SPG7: variants seen among roughly 807,000 people sequenced by gnomAD.
SPG7 encodes the protein SPG7 matrix AAA peptidase subunit, paraplegin.
Under a neutral mutation model 81.9 loss-of-function variants are expected in SPG7, and 103 were observed. That is an observed-to-expected ratio of 1.26 (90% CI 1.07 to 1.48). The LOEUF (loss-of-function observed/expected upper bound fraction) is 1.48. SPG7 is among the 40% of genes most tolerant of loss of function. SPG7 has a pLI of 0.00. For synonymous variants in SPG7, 534 were observed against 444.2 expected (o/e 1.20, Z -2.54); for missense variants, 1,241 against 1,087.3 (o/e 1.14, Z -1.99).
intron 9 of SPG7, chr16:89,539,143 C>T (rs893652327): frequency 2.0e-5 from 3 of 152,258 alleles, no homozygotes; most frequent in African/African-American, 7.2e-5. Context: ...CTATGTGTCC[C>T]TTGTCCTTTC....
Position 89,548,045 on chromosome 16 carries a change from C to T in SPG7, c.1595C>T (p.Ala532Val), listed in dbSNP as rs1229935577. ...ATCTGCAATGAGGCTGCGCTGCACGCGGCGCGGGAGGGACACACTTCCGTG... is the reference window on the plus strand; with the variant it reads ...ATCTGCAATGAGGCTGCGCTGCACGTGGCGCGGGAGGGACACACTTCCGTG... ...ANICNEAALH[A>V]AREGHTSVHT... Residue 532 changes from alanine to valine, a missense_variant, in exon 12 of 17, where the codon GCG becomes GTG. Coordinates refer to ENST00000645818, the MANE Select transcript of SPG7 (RefSeq NM_003119.4). 8 of 1,611,940 alleles carry T rather than the reference C, an allele frequency of 5.0e-6. No homozygotes were observed. Among genetic ancestry groups the T allele is most frequent in the South Asian group, 1.1e-5 (1 of 91,092 alleles).
chr16:89,515,514 A>AT, intron 3 of SPG7, among the ~76,000 whole-genome samples: 1 of 143,102 alleles, frequency 7.0e-6, no homozygotes, highest in East Asian at 2.2e-4. Context: ...TGATCTCCCC[A>AT]CTTCGGCCTC....
At position 89,550,465 on chromosome 16, in the gene SPG7, G is replaced by A. The variant is rs760793550; in HGVS notation, c.1664-29G>A. ...TGGGATTACAGGCGTGAGCCACCGC[G>A]CCCAACTCATACCCCGGCATTCTTT... On this transcript the variant is annotated intron_variant, in intron 12 of 16. Coordinates refer to ENST00000645818, the MANE Select transcript of SPG7 (RefSeq NM_003119.4). 2.7e-5 allele frequency: 41 copies of A among 1,534,726 alleles called. No homozygotes were observed. The East Asian group carries it at 5.6e-4, about 21-fold the overall frequency.
chr16:89,518,211 A>G (rs2058128974), intron 3 of SPG7: 1 of 152,200 alleles, frequency 6.6e-6, no homozygotes, highest in Admixed American at 6.5e-5. Context: ...TCAGATGAAG[A>G]TTCTTTTGCC....
At position 89,532,360 on chromosome 16, in the gene SPG7, G is replaced by A. The variant is rs143845664; in HGVS notation, c.1151-103G>A. 5.0e-6 allele frequency: 7 copies of A among 1,399,070 alleles called. No homozygotes were observed. In the African/African-American group the frequency reaches 9.9e-5, roughly 20 times the overall value. 86.7% of individuals were successfully genotyped at this position (1,399,070 alleles called of 1,614,324 possible). A position where few individuals can be genotyped will look rare whatever the true frequency, so the allele number is the denominator to read the frequency against. ...CTGTTTGTAGGGAATGGAGCTGGTA[G>A]CTTTAGTTGTCCTTGGTGTAGAACT... is the stretch of plus-strand genomic sequence containing the variant. On this transcript the variant is annotated intron_variant, in intron 8 of 16. Coordinates refer to ENST00000645818, the MANE Select transcript of SPG7 (RefSeq NM_003119.4).
chr16:89,529,741 T>A (rs933886295), intron 6 of SPG7, 162 bp downstream of exon 6: 6 of 691,370 alleles, frequency 8.7e-6, no homozygotes, highest in Non-Finnish European at 7.9e-6. Context: ...ATGGTCCGGC[T>A]GTAAGGCGTG....
At chr16:89,542,938 GTT>G (rs1224053415) in intron 9 of SPG7, 1 of 130,554 alleles carries the variant, frequency 7.7e-6, no homozygotes. Flanking sequence ...GGTAGATCCT[GTT>G]CTTTTTTTTT....
At chr16:89,532,328 C>G (rs1167440896) in intron 8 of SPG7, 135 bp from the exon 9 acceptor site, 2 of 1,164,286 alleles carry the variant, frequency 1.7e-6, no homozygotes, top group Non-Finnish European at 2.5e-6. Context: ...GAGCAGCTGC[C>G]GTGTGTCTGT....
At position 89,537,030 on chromosome 16, in the gene SPG7, C is replaced by T; in HGVS notation, c.1324+4394C>T. On this transcript the variant is annotated intron_variant, in intron 9 of 16. Coordinates refer to ENST00000645818, the MANE Select transcript of SPG7 (RefSeq NM_003119.4). Reference sequence around the variant, plus strand: ...AGCTGCTTCCGCCCCCGGATTTGCTCAGGCCTGGGAATCCGCTGACTGAAG... The same window carrying T: ...AGCTGCTTCCGCCCCCGGATTTGCTTAGGCCTGGGAATCCGCTGACTGAAG... The T allele has an allele frequency of 3.1e-6, 5 of 1,607,940 alleles. No homozygotes were observed. The Middle Eastern group carries it at 5.0e-4, about 162-fold the overall frequency.
At chr16:89,526,136 A>C (rs2058256836) in intron 4 of SPG7, among the ~76,000 whole-genome samples, 193 bp from the exon 5 acceptor site, 1 of 152,136 alleles carries the variant, frequency 6.6e-6, no homozygotes, top group South Asian at 2.1e-4. Context: ...TATTGCTTTT[A>C]CACCATTGTA....
At chr16:89,530,565 G>T in intron 6 of SPG7, 118 bp from the exon 7 acceptor site, 2 of 1,141,514 alleles carry the variant, frequency 1.8e-6, no homozygotes, top group Admixed American at 3.4e-5. Context: ...TGAAGCCTTG[G>T]GATCCTAGGA....
chr16:89,541,388 C>T (rs185379322), intron 9 of SPG7: 75 of 930,402 alleles, frequency 8.1e-5, no homozygotes, highest in African/African-American at 5.9e-4. Context: ...TCCACTTGTA[C>T]GAAATTGTCA....
intron 3 of SPG7, 27 bp downstream of exon 3, chr16:89,513,064 A>G (rs963880435): frequency 2.5e-6 from 4 of 1,582,436 alleles, no homozygotes; most frequent in Admixed American, 1.8e-5. Context: ...TTCTTCAGTC[A>G]GTAGCTGCCT....
At chr16:89,532,396 C>G (rs980754226) in intron 8 of SPG7, 67 bp from the exon 9 acceptor site, 42 of 1,565,690 alleles carry the variant, frequency 2.7e-5, no homozygotes, top group Non-Finnish European at 3.5e-5. Context: ...TTGTCTGGCC[C>G]GGGTACAGGA....
At chr16:89,530,892 A>T in intron 7 of SPG7, 84 bp downstream of exon 7, 1 of 1,585,746 alleles carries the variant, frequency 6.3e-7, no homozygotes, top group Non-Finnish European at 8.6e-7. Context: ...GGGACCTGGA[A>T]TTCCATCGAT....
At chr16:89,556,467 G>C (rs1354689433) in intron 16 of SPG7, 1 of 318,998 alleles carries the variant, frequency 3.1e-6, no homozygotes, top group Non-Finnish European at 5.8e-6. Context: ...ATCCCACCTA[G>C]AATGGCAGAA....
rs1285084721 is a variant in SPG7 at position 89,553,784 on chromosome 16, C to T, written c.1937-10C>T. ...GCTGAGGATGCCTCTGTCTCGACCC[C>T]GCCCTCCAGGGGCACAGGACGACCT... On this transcript the variant is annotated splice_polypyrimidine_tract_variant and intron_variant, in intron 14 of 16. Coordinates refer to ENST00000645818, the MANE Select transcript of SPG7 (RefSeq NM_003119.4). 2 of 1,613,250 alleles carry T rather than the reference C, an allele frequency of 1.2e-6. No homozygotes were observed. The highest frequency in any genetic ancestry group is 1.7e-6 in the Non-Finnish European group (2 of 1,179,934).
chr16:89,525,603 G>T (rs1352524278), intron 4 of SPG7, among the ~76,000 whole-genome samples: 1 of 152,084 alleles, frequency 6.6e-6, no homozygotes, highest in Non-Finnish European at 1.5e-5. Flanking sequence ...CTCCCTTTGG[G>T]GTGTTGCCGT....
At chr16:89,536,889 C>G in intron 9 of SPG7, 5 of 1,614,192 alleles carry the variant, frequency 3.1e-6, no homozygotes, top group Non-Finnish European at 3.4e-6. Context: ...ATTCGCTCTG[C>G]TGGGGTTGCC....
Sources: allele counts gnomAD v4.1 joint callset (sites outside exome capture counted in the v4.1 genomes callset), GRCh38; gene constraint gnomAD v4.1.1; transcripts MANE v1.5; gene names NCBI Gene and HGNC (gene_info 2026-07-23, HGNC 2026-07-21).